The following UGT1A7 variants were observed in gnomAD, a reference collection of about 807,000 sequenced individuals.
The protein encoded by UGT1A7 is UDP glucuronosyltransferase family 1 member A7.
In UGT1A7, 33 loss-of-function variants were observed where a neutral mutation model predicts 45.6. That is an observed-to-expected ratio of 0.72 (90% confidence interval 0.55 to 0.97). The LOEUF (loss-of-function observed/expected upper bound fraction) is 0.97. Among genes scored for constraint, UGT1A7 ranks in the 50% least tolerant of loss-of-function variants. UGT1A7 has a pLI of 0.00. For synonymous variants in UGT1A7, 274 were observed against 250.6 expected (o/e 1.09, Z -0.88); for missense variants, 684 against 666.2 (o/e 1.03, Z -0.29).
rs762827824 is a variant in UGT1A7 at position 233,693,652 on chromosome 2, G to C, written c.855+10860G>C. 1.9e-6 allele frequency: 3 copies of C among 1,614,184 alleles called. No individual in the cohort carries two copies. Among genetic ancestry groups the C allele is most frequent in the Non-Finnish European group, 1.7e-6 (2 of 1,180,030 alleles). On this transcript the variant is annotated intron_variant, in intron 1 of 4. Coordinates refer to ENST00000373426, the MANE Select transcript of UGT1A7 (RefSeq NM_019077.3). Reference sequence around the variant, plus strand: ...GAGTGGCCAACTTCCTTGTTAATTTGTTGGAGCCCTATCTATTTTATTGTC... The same window carrying C: ...GAGTGGCCAACTTCCTTGTTAATTTCTTGGAGCCCTATCTATTTTATTGTC...
rs917242803 is a variant in UGT1A7, at chr2:233,724,807, C to G, written c.855+42015C>G. On this transcript the variant is annotated intron_variant, in intron 1 of 4. Transcript: ENST00000373426. ...CTTCCCAGACGGGGTGGCGGCCGGG[C>G]AGAGGCTGCAATCTCGGCACTTTGG... 5.9e-4 allele frequency among the ~76,000 whole-genome samples: 82 copies of G among 138,372 alleles called. 2 individuals carry two copies. The highest frequency in any genetic ancestry group is 1.0e-3 in the Non-Finnish European group (67 of 64,874). 90.8% of individuals were successfully genotyped at this position (138,372 alleles called of 152,430 possible). A position where few individuals can be genotyped will look rare whatever the true frequency, so the allele number is the denominator to read the frequency against.
intron 1 of UGT1A7, chr2:233,748,092 G>A (rs1693863465): frequency 6.2e-7 from 1 of 1,612,734 alleles, no homozygotes; most frequent in Non-Finnish European, 8.5e-7. Flanking sequence ...CGGTGTTCGT[G>A]CCTTCATCCA....
chr2:233,733,391 T>C lies in UGT1A7; in HGVS notation c.856-33643T>C, dbSNP rs547725287. Among the ~76,000 whole-genome samples the C allele has an allele frequency of 1.8e-4, 27 of 152,316 alleles. No homozygotes were observed. In the South Asian group the frequency reaches 5.6e-3, roughly 32 times the overall value. On this transcript the variant is annotated intron_variant, in intron 1 of 4. Coordinates refer to ENST00000373426, the MANE Select transcript of UGT1A7 (RefSeq NM_019077.3). Reference sequence around the variant, plus strand: ...AGGTCATCCTTGTTTTGTGCCAGTTTTCAAAGGGAATGCTTCCAGTTTTCG... The same window carrying C: ...AGGTCATCCTTGTTTTGTGCCAGTTCTCAAAGGGAATGCTTCCAGTTTTCG...
intron 1 of UGT1A7, among the ~76,000 whole-genome samples, chr2:233,750,971 T>TG (rs1694602658): frequency 6.6e-6 from 1 of 151,624 alleles, no homozygotes; most frequent in South Asian, 2.1e-4. Flanking sequence ...CACTGCCTAG[T>TG]GGAGTTGTGA....
intron 1 of UGT1A7, chr2:233,747,139 T>C: frequency 6.4e-7 from 1 of 1,552,428 alleles, no homozygotes; most frequent in East Asian, 2.3e-5. Flanking sequence ...AGTGACAAGG[T>C]AATTAAGATG....
At chr2:233,711,531 C>G (rs1251081299) in intron 1 of UGT1A7, among the ~76,000 whole-genome samples, 1 of 152,312 alleles carries the variant, frequency 6.6e-6, no homozygotes, top group South Asian at 2.1e-4. Context: ...CACAACTCCC[C>G]GGGAATCATC....
chr2:233,738,480 A>T (rs981519178), intron 1 of UGT1A7, among the ~76,000 whole-genome samples: 1 of 152,194 alleles, frequency 6.6e-6, no homozygotes, highest in African/African-American at 2.4e-5. Flanking sequence ...CTTCCTGGAG[A>T]CTTGTTGAAC....
At chr2:233,685,298 G>T (rs937897898) in intron 1 of UGT1A7, among the ~76,000 whole-genome samples, 1 of 152,168 alleles carries the variant, frequency 6.6e-6, no homozygotes, top group African/African-American at 2.4e-5. Context: ...CTTTCAAAGT[G>T]TTGAGATTAC....
intron 1 of UGT1A7, among the ~76,000 whole-genome samples, chr2:233,710,586 G>A (rs947455751): frequency 4.6e-5 from 7 of 152,000 alleles, no homozygotes; most frequent in African/African-American, 1.2e-4. Flanking sequence ...AAAATCTTCC[G>A]CACACCTTTA....
chr2:233,733,620 A>G lies in UGT1A7; in HGVS notation c.856-33414A>G, dbSNP rs138642238. ...TGATGGATTACATTTATTGATTTGC[A>G]TATGTTGAACCAGCCTTGCATCCCA... On this transcript the variant is annotated intron_variant, in intron 1 of 4. Coordinates refer to ENST00000373426, the MANE Select transcript of UGT1A7 (RefSeq NM_019077.3). 5.8e-3 allele frequency among the ~76,000 whole-genome samples: 878 copies of G among 152,316 alleles called. 10 individuals are homozygous for G. Among genetic ancestry groups the G allele is most frequent in the African/African-American group, 0.02 (842 of 41,576 alleles).
intron 1 of UGT1A7, chr2:233,754,349 G>A (rs1243169158): frequency 7.7e-6 from 2 of 260,182 alleles, no homozygotes; most frequent in African/African-American, 4.5e-5. Context: ...ATAGCAAATT[G>A]CATACAGATA....
intron 1 of UGT1A7, among the ~76,000 whole-genome samples, chr2:233,727,013 TTG>T (rs1300026123): frequency 1.2e-4 from 18 of 152,218 alleles, no homozygotes; most frequent in African/African-American, 3.9e-4. Context: ...TTATCATTTG[TTG>T]TTTTTGTACC....
Position 233,768,313 on chromosome 2 carries a change from T to C in UGT1A7, c.1169T>C (p.Leu390Ser). 6.2e-7 allele frequency: 1 copy of C among 1,614,194 alleles called. No individual in the cohort carries two copies. The highest frequency in any genetic ancestry group is 8.5e-7 in the Non-Finnish European group (1 of 1,180,048). ...CNGVPMVMMP[L>S]FGDQMDNAKR... The stretch of plus-strand genomic sequence containing the variant: ...GGCGTTCCCATGGTGATGATGCCCT[T>C]GTTTGGTGATCAGATGGACAATGCA... Residue 390 changes from leucine (L) to serine (S), a missense_variant, in exon 4 of 5, where the codon TTG becomes TCG. By Grantham distance (145) the Leu-to-Ser change is moderately radical. Coordinates refer to ENST00000373426, the MANE Select transcript of UGT1A7 (RefSeq NM_019077.3).
intron 1 of UGT1A7, among the ~76,000 whole-genome samples, chr2:233,683,603 T>A (rs1470353290): frequency 6.6e-6 from 1 of 152,206 alleles, no homozygotes; most frequent in East Asian, 1.9e-4. Flanking sequence ...CCCTCATTAT[T>A]TATTCGGATT....
intron 1 of UGT1A7, among the ~76,000 whole-genome samples, chr2:233,700,983 C>T (rs1317815779): frequency 6.6e-6 from 1 of 151,310 alleles, no homozygotes; most frequent in Non-Finnish European, 1.5e-5. Context: ...GATTTTTTGT[C>T]CTTGCGATAG....
Position 233,720,632 on chromosome 2 carries a change from G to A in UGT1A7, c.855+37840G>A, listed in dbSNP as rs527749966. 4.6e-5 allele frequency among the ~76,000 whole-genome samples: 7 copies of A among 151,594 alleles called. No homozygotes were observed. In the South Asian group the frequency reaches 1.3e-3, roughly 27 times the overall value. ...AGAATATTTGGGTTTCATTGAAATA[G>A]TACTCTGGGATGTGAAAAACCAAAT... On this transcript the variant is annotated intron_variant, in intron 1 of 4. Coordinates refer to ENST00000373426, the MANE Select transcript of UGT1A7 (RefSeq NM_019077.3).
chr2:233,746,509 A>C (rs1693414450), intron 1 of UGT1A7, among the ~76,000 whole-genome samples: 1 of 151,796 alleles, frequency 6.6e-6, no homozygotes, highest in Admixed American at 6.5e-5. Flanking sequence ...AGTAGCCCCC[A>C]AAGCAAGACC....
chr2:233,730,165 G>T (rs142374428), intron 1 of UGT1A7, among the ~76,000 whole-genome samples: 1 of 152,156 alleles, frequency 6.6e-6, no homozygotes. Context: ...CTCTAGTAGC[G>T]TATTTCAGGT....
In UGT1A7 at chr2:233,685,327, C is replaced by A. The variant is rs189214969; in HGVS notation, c.855+2535C>A. Among the ~76,000 whole-genome samples the A allele has an allele frequency of 2.2e-3, 337 of 152,132 alleles. 1 individual carries two copies. The highest frequency in any genetic ancestry group is 7.9e-3 in the African/African-American group (328 of 41,508). On this transcript the variant is annotated intron_variant, in intron 1 of 4. Transcript: ENST00000373426. ...AGATTACAGGTGTGAACCACCACAC[C>A]CGGACTTAAAGTGGTTTTAATGAGA...
Sources: allele counts gnomAD v4.1 joint callset (sites outside exome capture counted in the v4.1 genomes callset), GRCh38; gene constraint gnomAD v4.1.1; transcripts MANE v1.5; gene names NCBI Gene and HGNC (gene_info 2026-07-23, HGNC 2026-07-21).